PXDNL: variants seen among roughly 807,000 people sequenced by gnomAD.
PXDNL encodes the protein peroxidasin like.
Under a neutral mutation model 150.8 loss-of-function variants are expected in PXDNL, and 145 were observed. The ratio of observed to expected loss-of-function variants is 0.96; its 90% confidence interval spans 0.84 to 1.10. The LOEUF is 1.10. Among genes scored for constraint, PXDNL ranks in the 50% least tolerant of loss-of-function variants. The pLI, the probability that PXDNL is intolerant of heterozygous loss-of-function variation, is 0.00. For synonymous variants in PXDNL, 757 were observed against 725.7 expected, an observed-to-expected ratio of 1.04 and a Z score of -0.69; for missense variants, 2,087 against 1,873.9, an observed-to-expected ratio of 1.11 and a Z score of -2.10.
chr8:51,459,879 G>T (rs1810030425), intron 8 of PXDNL, among the ~76,000 whole-genome samples: 1 of 152,114 alleles, frequency 6.6e-6, no homozygotes, highest in South Asian at 2.1e-4. Flanking sequence ...CATTTGTTAA[G>T]TGCTTTCTAA....
intron 4 of PXDNL, among the ~76,000 whole-genome samples, chr8:51,538,765 T>G (rs940831055): frequency 1.5e-4 from 23 of 152,106 alleles, no homozygotes; most frequent in African/African-American, 5.6e-4. Context: ...AAACTCTATC[T>G]CAAATAAATA....
chr8:51,675,234 G>A (rs955291641), intron 1 of PXDNL, among the ~76,000 whole-genome samples: 6 of 152,070 alleles, frequency 3.9e-5, no homozygotes, highest in African/African-American at 1.5e-4. Context: ...ATTAAGAGGT[G>A]GGGCCTTTAA....
At chr8:51,613,461 G>C (rs1814062632) in intron 2 of PXDNL, among the ~76,000 whole-genome samples, 1 of 107,294 alleles carries the variant, frequency 9.3e-6, no homozygotes, top group African/African-American at 3.2e-5. Context: ...GAGGATCCGG[G>C]GAAACCTCAC....
chr8:51,421,011 A>G (rs1014792350), intron 14 of PXDNL, among the ~76,000 whole-genome samples: 2 of 152,146 alleles, frequency 1.3e-5, no homozygotes, highest in Non-Finnish European at 2.9e-5. Flanking sequence ...TTTAATATGT[A>G]TGTATAATTA....
At chr8:51,653,802 G>C (rs1272761912) in intron 2 of PXDNL, among the ~76,000 whole-genome samples, 2 of 105,610 alleles carry the variant, frequency 1.9e-5, no homozygotes, top group Non-Finnish European at 5.0e-5. Context: ...ACTCTATCAT[G>C]AGAATATTAT....
At chr8:51,575,389 C>T (rs189709011) in intron 3 of PXDNL, among the ~76,000 whole-genome samples, 1 of 151,704 alleles carries the variant, frequency 6.6e-6, no homozygotes, top group African/African-American at 2.4e-5. Flanking sequence ...AAACTTAAAC[C>T]CAATATATCA....
intron 2 of PXDNL, among the ~76,000 whole-genome samples, chr8:51,629,610 A>G (rs891000331): frequency 6.6e-6 from 1 of 152,208 alleles, no homozygotes; most frequent in African/African-American, 2.4e-5. Context: ...AAAGATCCGC[A>G]GAGAGACAAA....
intron 12 of PXDNL, among the ~76,000 whole-genome samples, chr8:51,442,146 A>T (rs1431617): frequency 0.54 from 81,523 of 151,604 alleles, 25,953 homozygotes; most frequent in Non-Finnish European, 0.7. Context: ...TTTATTATTG[A>T]GTTGCTTTCT....
chr8:51,591,629 T>C (rs1813445568), intron 3 of PXDNL, among the ~76,000 whole-genome samples: 1 of 152,198 alleles, frequency 6.6e-6, no homozygotes, highest in African/African-American at 2.4e-5. Context: ...TTAGCATTTT[T>C]TTTTTTTGAG....
intron 4 of PXDNL, among the ~76,000 whole-genome samples, chr8:51,541,382 C>T (rs925110944): frequency 6.6e-6 from 1 of 152,100 alleles, no homozygotes; most frequent in Non-Finnish European, 1.5e-5. Context: ...TAATAGGGCT[C>T]ATATAGCCTT....
chr8:51,613,051 A>C (rs1585621402), intron 2 of PXDNL, among the ~76,000 whole-genome samples: 1 of 152,130 alleles, frequency 6.6e-6, no homozygotes, highest in African/African-American at 2.4e-5. Flanking sequence ...GACCTAAACT[A>C]AGACTGCAGA....
At chr8:51,398,404 A>G (rs1044779109) in intron 17 of PXDNL, among the ~76,000 whole-genome samples, 26 of 152,228 alleles carry the variant, frequency 1.7e-4, no homozygotes, top group African/African-American at 6.3e-4. Flanking sequence ...CCTGAGCAAG[A>G]GGAACTGCAT....
chr8:51,350,452 C>T (rs143130090), intron 19 of PXDNL, among the ~76,000 whole-genome samples: 9,486 of 149,996 alleles, frequency 0.063, 737 homozygotes, highest in African/African-American at 0.19. Flanking sequence ...CTCCGCCTCC[C>T]AGGTTCAAGC....
chr8:51,737,795 G>A (rs1187174912), intron 1 of PXDNL, among the ~76,000 whole-genome samples: 1 of 150,590 alleles, frequency 6.6e-6, no homozygotes, highest in Non-Finnish European at 1.5e-5. Context: ...TCTTCTCACT[G>A]GCCCCCATTA....
intron 3 of PXDNL, among the ~76,000 whole-genome samples, chr8:51,574,183 T>G (rs1424967378): frequency 6.6e-6 from 1 of 151,966 alleles, no homozygotes; most frequent in Non-Finnish European, 1.5e-5. Context: ...GGAAATAACT[T>G]TTTTAAACCA....
chr8:51,735,605 G>A (rs1426466487), intron 1 of PXDNL, among the ~76,000 whole-genome samples: 4 of 125,660 alleles, frequency 3.2e-5, no homozygotes, highest in African/African-American at 9.2e-5. Flanking sequence ...GGAGTGCAGT[G>A]GCGGGATCTC....
At chr8:51,628,903 G>C (rs1425155830) in intron 2 of PXDNL, among the ~76,000 whole-genome samples, 1 of 148,746 alleles carries the variant, frequency 6.7e-6, no homozygotes, top group South Asian at 2.1e-4. Flanking sequence ...ATCTTGAAGA[G>C]GGGAAAAAAA....
chr8:51,339,440 C>T (rs953464367), intron 21 of PXDNL, among the ~76,000 whole-genome samples, 184 bp downstream of exon 21: 54 of 151,992 alleles, frequency 3.6e-4, no homozygotes, highest in African/African-American at 1.3e-3. Context: ...ATCCGGCCGA[C>T]AGAACAAGAC....
intron 2 of PXDNL, among the ~76,000 whole-genome samples, chr8:51,628,041 G>A (rs1272555579): frequency 6.6e-6 from 1 of 152,118 alleles, no homozygotes; most frequent in Non-Finnish European, 1.5e-5. Context: ...GCAAATAACA[G>A]AGCAGCAAAA....
Sources: gnomAD v4.1 joint callset for allele counts (sites outside exome capture counted in the v4.1 genomes callset) on GRCh38, gnomAD v4.1.1 for gene constraint, MANE v1.5 for transcripts, NCBI Gene and HGNC (gene_info 2026-07-23, HGNC 2026-07-21) for gene names.